SASS6: variants seen among roughly 807,000 people sequenced by gnomAD.
SASS6 encodes SAS-6 centriolar assembly protein, also known as spindle assembly abnormal protein 6 homolog.
Under a neutral mutation model 94.9 loss-of-function variants are expected in SASS6, and 59 were observed. The ratio of observed to expected loss-of-function variants is 0.62; its 90% confidence interval spans 0.50 to 0.77. The LOEUF is 0.77. Ranked by LOEUF, SASS6 falls within the 30% of genes least tolerant of loss-of-function variation. SASS6 has a pLI of 0.00. For synonymous variants in SASS6, 264 were observed against 270.0 expected (o/e 0.98, Z 0.22); for missense variants, 698 against 734.1 (o/e 0.95, Z 0.57).
chr1:100,112,137 G>A (rs1192688031), intron 7 of SASS6, among the ~76,000 whole-genome samples: 1 of 152,050 alleles, frequency 6.6e-6, no homozygotes, highest in Non-Finnish European at 1.5e-5. Context: ...CAAAATAATA[G>A]AGTCTAACAG....
chr1:100,106,960 C>G lies in SASS6; in HGVS notation c.1360G>C (p.Val454Leu), dbSNP rs1401712885. ...CKLQEQLEATVKKLEESKQLL... is the reference protein window; with the variant it reads ...CKLQEQLEATLKKLEESKQLL... ...TGTTTGCTTTCTTCAAGTTTTTTAA[C>G]TGTAGCTTCTAATTGTTCTTGTAAT... Residue 454 changes from valine to leucine, a missense_variant, in exon 12 of 17, where the codon GTT becomes CTT. Val to Leu is a conservative substitution (Grantham distance 32). Transcript: ENST00000287482. The G allele has an allele frequency of 1.4e-6, 2 of 1,435,812 alleles. No homozygotes were observed. Among genetic ancestry groups the G allele is most frequent in the Non-Finnish European group, 2.0e-6 (2 of 1,021,592 alleles). The allele number at this position is 1,435,812 out of a possible 1,614,324, so 88.9% of individuals were successfully genotyped here.
intron 6 of SASS6, 38 bp from the exon 7 acceptor site, chr1:100,119,175 C>T: frequency 8.6e-7 from 1 of 1,159,858 alleles, no homozygotes; most frequent in Non-Finnish European, 1.2e-6. Context: ...AAGATAGGCT[C>T]CTTAATATGT....
intron 11 of SASS6, 32 bp from the exon 12 acceptor site, chr1:100,107,025 G>T: frequency 1.1e-6 from 1 of 896,734 alleles, no homozygotes; most frequent in Non-Finnish European, 1.8e-6. Flanking sequence ...AATAAGTCAA[G>T]CAAAATAAAG....
At chr1:100,123,653 A>G (rs1654365379) in intron 2 of SASS6, among the ~76,000 whole-genome samples, 1 of 152,216 alleles carries the variant, frequency 6.6e-6, no homozygotes, top group Non-Finnish European at 1.5e-5. Context: ...TTTTATTTTT[A>G]GTTTCCTTAA....
At chr1:100,104,328 C>G (rs570399390) in intron 13 of SASS6, among the ~76,000 whole-genome samples, 1 of 152,206 alleles carries the variant, frequency 6.6e-6, no homozygotes, top group East Asian at 1.9e-4. Context: ...GTTAATATTC[C>G]ATGAAATTGT....
chr1:100,105,685 C>A, intron 13 of SASS6, 82 bp downstream of exon 13: 4 of 1,380,550 alleles, frequency 2.9e-6, no homozygotes, highest in Non-Finnish European at 4.1e-6. Context: ...CACCTTAAAT[C>A]ATGGAAACTT....
rs1651058536 is a variant in SASS6 at position 100,084,189 on chromosome 1, C to T, written c.*1139G>A. ...AAAGATTCTTTCTTACCATGGGACT[C>T]AGTAATGTTATTACATCAATATCTT... is the stretch of plus-strand genomic sequence containing the variant. On this transcript the variant is annotated 3_prime_UTR_variant, in exon 17 of 17. Transcript: ENST00000287482. The T allele has an allele frequency of 6.6e-6, 1 of 151,428 alleles. No individual in the cohort carries two copies. Among genetic ancestry groups the T allele is most frequent in the African/African-American group, 2.4e-5 (1 of 41,262 alleles). 9.4% of individuals were successfully genotyped at this position (151,428 alleles called of 1,614,324 possible).
At chr1:100,123,497 T>C (rs556158729) in intron 2 of SASS6, among the ~76,000 whole-genome samples, 10 of 152,220 alleles carry the variant, frequency 6.6e-5, no homozygotes, top group South Asian at 2.1e-4. Context: ...AAAAGCCACA[T>C]GGAGGTCTGT....
At chr1:100,097,858 A>C (rs1473951038) in intron 14 of SASS6, among the ~76,000 whole-genome samples, 2 of 152,134 alleles carry the variant, frequency 1.3e-5, no homozygotes, top group Non-Finnish European at 2.9e-5. Flanking sequence ...CACACAAAAA[A>C]ACTACATGTT....
intron 14 of SASS6, among the ~76,000 whole-genome samples, chr1:100,091,659 C>T (rs959105652): frequency 3.2e-5 from 3 of 93,790 alleles, no homozygotes; most frequent in Non-Finnish European, 4.5e-5. Context: ...GGAAAGAAAA[C>T]GAAATGGAAA....
chr1:100,085,109 A>T lies in SASS6; in HGVS notation c.*219T>A. 2.1e-6 allele frequency: 1 copy of T among 483,830 alleles called. No homozygotes were observed. Among genetic ancestry groups the T allele is most frequent in the Non-Finnish European group, 3.7e-6 (1 of 270,808 alleles). The allele number at this position is 483,830 out of a possible 1,614,324, so 30.0% of individuals were successfully genotyped here. Reference sequence around the variant, plus strand: ...TATTCTATAAAACGCCATGTTCACAAACCAAAAAATGTCATTTACTCACAA... The same window carrying T: ...TATTCTATAAAACGCCATGTTCACATACCAAAAAATGTCATTTACTCACAA... On this transcript the variant is annotated 3_prime_UTR_variant, in exon 17 of 17. Transcript: ENST00000287482.
rs181589487 is a variant in SASS6, at chr1:100,104,661, C to T, written c.1545+1106G>A. Reference sequence around the variant, plus strand: ...TTTTAGTAGAGACAGGGTTTCACCACGTTGCCCAGGCTGACCTCTTGAACT... The same window carrying T: ...TTTTAGTAGAGACAGGGTTTCACCATGTTGCCCAGGCTGACCTCTTGAACT... On this transcript the variant is annotated intron_variant, in intron 13 of 16. Coordinates refer to ENST00000287482, the MANE Select transcript of SASS6 (RefSeq NM_194292.3). 8.4e-3 allele frequency among the ~76,000 whole-genome samples: 1,273 copies of T among 152,016 alleles called. 11 individuals are homozygous for T. Among genetic ancestry groups the T allele is most frequent in the Non-Finnish European group, 0.013 (904 of 67,952 alleles).
chr1:100,085,646 GTAA>G lies in SASS6; in HGVS notation c.1773-19_1773-17del. The G allele has an allele frequency of 6.9e-7, 1 of 1,453,756 alleles. No individual in the cohort carries two copies. Among genetic ancestry groups the G allele is most frequent in the South Asian group, 1.2e-5 (1 of 86,304 alleles). 90.1% of individuals were successfully genotyped at this position (1,453,756 alleles called of 1,614,324 possible). A position where few individuals can be genotyped will look rare whatever the true frequency, so the allele number is the denominator to read the frequency against. On this transcript the variant is annotated splice_polypyrimidine_tract_variant and intron_variant, in intron 15 of 16. Coordinates refer to ENST00000287482, the MANE Select transcript of SASS6 (RefSeq NM_194292.3). ...ATTTTCACCACTTAAAAAGAAAATGGTAATAACTTATTTAACAAAGTCTTTATT... is the reference window on the plus strand; with the variant it reads ...ATTTTCACCACTTAAAAAGAAAATGGTAACTTATTTAACAAAGTCTTTATT...
At chr1:100,094,919 T>C (rs1436348452) in intron 14 of SASS6, among the ~76,000 whole-genome samples, 1 of 149,830 alleles carries the variant, frequency 6.7e-6, no homozygotes, top group Non-Finnish European at 1.5e-5. Flanking sequence ...CAGCGATATA[T>C]AAAAAGAATA....
At chr1:100,095,799 T>G (rs1280492006) in intron 14 of SASS6, among the ~76,000 whole-genome samples, 2 of 152,094 alleles carry the variant, frequency 1.3e-5, no homozygotes, top group African/African-American at 4.8e-5. Context: ...AATAAAATAA[T>G]TATACCCACA....
Position 100,110,428 on chromosome 1 carries a change from A to G in SASS6, c.725T>C (p.Leu242Pro). ...HEQQKKDLEI[L>P]HQQNIHQLQN... Reference sequence around the variant, plus strand: ...TAGCTGGTGGATGTTTTGTTGATGGAGGATTTCTAAATCTTTTTTCTGTTG... The same window carrying G: ...TAGCTGGTGGATGTTTTGTTGATGGGGGATTTCTAAATCTTTTTTCTGTTG... Residue 242 changes from leucine (L) to proline (P), a missense_variant, in exon 8 of 17, where the codon CTC becomes CCC. Coordinates refer to ENST00000287482, the MANE Select transcript of SASS6 (RefSeq NM_194292.3). 1 of 1,611,546 alleles carries G rather than the reference A, an allele frequency of 6.2e-7. No individual in the cohort carries two copies. The highest frequency in any genetic ancestry group is 8.5e-7 in the Non-Finnish European group (1 of 1,178,300).
In SASS6 at chr1:100,107,794, A is replaced by G; in HGVS notation, c.1056+16T>C. On this transcript the variant is annotated intron_variant, in intron 9 of 16. Coordinates refer to ENST00000287482, the MANE Select transcript of SASS6 (RefSeq NM_194292.3). Reference sequence around the variant, plus strand: ...AAATATGATTATCAATTTCTGAGAAAAATTTAAAAGTAGACCTTTTGTTCC... The same window carrying G: ...AAATATGATTATCAATTTCTGAGAAGAATTTAAAAGTAGACCTTTTGTTCC... 6.3e-7 allele frequency: 1 copy of G among 1,584,966 alleles called. No individual in the cohort carries two copies. Among genetic ancestry groups the G allele is most frequent in the Non-Finnish European group, 8.6e-7 (1 of 1,160,002 alleles).
At chr1:100,086,464 C>T (rs796910124) in intron 15 of SASS6, among the ~76,000 whole-genome samples, 4 of 151,220 alleles carry the variant, frequency 2.6e-5, no homozygotes, top group Admixed American at 6.6e-5. Flanking sequence ...ACTACAAATA[C>T]GATTGTCATA....
chr1:100,112,858 C>T (rs1342770263), intron 7 of SASS6, among the ~76,000 whole-genome samples: 3 of 152,204 alleles, frequency 2.0e-5, no homozygotes, highest in Non-Finnish European at 2.9e-5. Context: ...GTATCAAAGA[C>T]TCTGGGGATG....
Sources: gnomAD v4.1 joint callset for allele counts (sites outside exome capture counted in the v4.1 genomes callset) on GRCh38, gnomAD v4.1.1 for gene constraint, MANE v1.5 for transcripts, NCBI Gene and HGNC (gene_info 2026-07-23, HGNC 2026-07-21) for gene names.